PPP1R36: variants seen among roughly 807,000 people sequenced by gnomAD.
PPP1R36 encodes the protein protein phosphatase 1 regulatory subunit 36.
A neutral mutation model predicts 53.4 loss-of-function variants in PPP1R36; 47 were observed. The observed-to-expected ratio is 0.88, with a 90% CI of 0.70 to 1.12. PPP1R36 has a LOEUF of 1.12. Ranked by LOEUF, PPP1R36 falls within the 50% of genes most tolerant of loss-of-function variation. PPP1R36 has a pLI of 0.00. For missense variants in PPP1R36, 456 were observed against 513.9 expected (o/e 0.89, Z 1.09); for synonymous variants, 153 against 170.5 (o/e 0.90, Z 0.80).
At chr14:64,573,092 T>C (rs1026130659) in intron 7 of PPP1R36, among the ~76,000 whole-genome samples, 1 of 152,170 alleles carries the variant, frequency 6.6e-6, no homozygotes, top group African/African-American at 2.4e-5. Flanking sequence ...TTAGAGTAAA[T>C]ATCATTTGGT....
rs535376897 is a variant in PPP1R36 at position 64,561,542 on chromosome 14, C to G, written c.183-3209C>G. Reference sequence around the variant, plus strand: ...GTTCACATCCTAGCTCTGCCCCTGACTAGATGGTTATCAGTTGTCAAGTTA... The same window carrying G: ...GTTCACATCCTAGCTCTGCCCCTGAGTAGATGGTTATCAGTTGTCAAGTTA... On this transcript the variant is annotated intron_variant, in intron 3 of 11. Coordinates refer to ENST00000298705, the MANE Select transcript of PPP1R36 (RefSeq NM_172365.3). Among the ~76,000 whole-genome samples, 39 of 152,302 alleles carry G rather than the reference C, an allele frequency of 2.6e-4. 1 individual carries two copies. Among genetic ancestry groups the G allele is most frequent in the Non-Finnish European group, 8.8e-5 (6 of 68,026 alleles).
intron 3 of PPP1R36, among the ~76,000 whole-genome samples, chr14:64,554,972 G>A (rs1026662870): frequency 2.6e-5 from 4 of 151,960 alleles, no homozygotes; most frequent in African/African-American, 9.7e-5. Flanking sequence ...AAATTAGGGT[G>A]GGAAGTGGAA....
chr14:64,554,003 C>T (rs1163648488), intron 3 of PPP1R36, among the ~76,000 whole-genome samples: 2 of 151,906 alleles, frequency 1.3e-5, no homozygotes, highest in Non-Finnish European at 2.9e-5. Flanking sequence ...CTTATAGTAT[C>T]AGGATTACCT....
Position 64,565,389 on chromosome 14 carries a change from A to C in PPP1R36, c.302A>C (p.Asp101Ala). The C allele has an allele frequency of 1.9e-6, 3 of 1,613,466 alleles. No homozygotes were observed. The highest frequency in any genetic ancestry group is 2.7e-5 in the African/African-American group (2 of 75,022). Residue 101 changes from aspartate to alanine, a missense_variant, in exon 5 of 12, where the codon GAT (aspartate) becomes GCT (alanine). By Grantham distance (126) the Asp-to-Ala change is moderately radical. Coordinates refer to ENST00000298705, the MANE Select transcript of PPP1R36 (RefSeq NM_172365.3). ...GATAAAAGACTTGCTGCAAAAGATG[A>C]TAAGTCAGCTAAAGCTGTAGAGAAA... ...LTDKRLAAKD[D>A]KSAKAVEKRG...
At chr14:64,571,753 A>G (rs1358724502) in intron 7 of PPP1R36, among the ~76,000 whole-genome samples, 1 of 152,236 alleles carries the variant, frequency 6.6e-6, no homozygotes, top group African/African-American at 2.4e-5. Context: ...TATAAAGGAA[A>G]GAGGCTTAAT....
chr14:64,550,473 C>T (rs2080085624), intron 1 of PPP1R36, among the ~76,000 whole-genome samples: 1 of 152,162 alleles, frequency 6.6e-6, no homozygotes. Flanking sequence ...GTGTTGGAGC[C>T]CGGAAGTCTC....
chr14:64,564,089 A>C (rs189339376), intron 3 of PPP1R36, among the ~76,000 whole-genome samples: 21 of 152,322 alleles, frequency 1.4e-4, no homozygotes, highest in Admixed American at 5.2e-4. Flanking sequence ...CAAACTCATT[A>C]CGGCTTAGTA....
rs904089872 is a variant in PPP1R36, at chr14:64,564,900, C to T, written c.269+63C>T. On this transcript the variant is annotated intron_variant, in intron 4 of 11. Transcript: ENST00000298705. ...GCATCTCTCAGTGGAATGGCTTCAG[C>T]CTTTACAAACTACGAAAATACCATT... 5 of 1,072,352 alleles carry T rather than the reference C, an allele frequency of 4.7e-6. No homozygotes were observed. The Admixed American group carries it at 1.1e-4, about 25-fold the overall frequency. The allele number at this position is 1,072,352 out of a possible 1,614,324, so 66.4% of individuals were successfully genotyped here.
intron 3 of PPP1R36, among the ~76,000 whole-genome samples, chr14:64,560,103 C>CAAAAAAAAAAAAAAAA (rs1171697200): frequency 3.6e-5 from 1 of 27,446 alleles, no homozygotes; most frequent in Non-Finnish European, 7.3e-5. Context: ...GAATCTGTCA[C>CAAAAAAAAAAAAAAAA]AAAAAAAAAA....
intron 8 of PPP1R36, among the ~76,000 whole-genome samples, chr14:64,579,488 A>C (rs2140244411): frequency 6.6e-6 from 1 of 152,244 alleles, no homozygotes; most frequent in East Asian, 1.9e-4. Flanking sequence ...CTTGCTATAG[A>C]CTTCATTGTT....
In PPP1R36 at chr14:64,587,373, G is replaced by T. The variant is rs776744003; in HGVS notation, c.890+1G>T. 1.3e-6 allele frequency: 2 copies of T among 1,584,658 alleles called. No homozygotes were observed. Among genetic ancestry groups the T allele is most frequent in the Non-Finnish European group, 1.7e-6 (2 of 1,164,794 alleles). ...AACGCATGACTTTTGTTCAGTTCAG[G>T]TATGACCTTTTGACTTTCCTATGCT... On this transcript the variant is annotated splice_donor_variant, in intron 10 of 11. Transcript: ENST00000298705. LOFTEE classifies it high-confidence loss of function.
rs189184794 is a variant in PPP1R36 at position 64,583,872 on chromosome 14, A to G, written c.669-2965A>G. On this transcript the variant is annotated intron_variant, in intron 8 of 11. Transcript: ENST00000298705. ...CCAGTGTGTATGGCAACTCGAGGGA[A>G]AGTGGAAAGAGGTTCATGTTACCTC... Among the ~76,000 whole-genome samples the G allele has an allele frequency of 4.8e-4, 72 of 150,524 alleles. 2 individuals carry two copies. In the East Asian group the frequency reaches 0.013, roughly 28 times the overall value.
At chr14:64,583,177 C>T (rs35170016) in intron 8 of PPP1R36, among the ~76,000 whole-genome samples, 2,645 of 150,968 alleles carry the variant, frequency 0.018, 36 homozygotes, top group Middle Eastern at 0.034. Context: ...CTTTCCAAAG[C>T]GCTAGAATTA....
At position 64,574,524 on chromosome 14, in the gene PPP1R36, G is replaced by T. The variant is rs769136645; in HGVS notation, c.603G>T (p.Ala201=). Residue 201 remains alanine (A), a synonymous_variant, in exon 8 of 12, where the codon GCG becomes GCT. Transcript: ENST00000298705. The part of the protein sequence containing the change: ...SELEAAQRYL[A]QKYCILVLGL... ...TAGAAGCAGCACAGAGGTACTTGGC[G>T]CAGAAGTACTGTATCCTTGTGCTGG... 41 of 1,613,794 alleles carry T rather than the reference G, an allele frequency of 2.5e-5. No individual in the cohort carries two copies. Among genetic ancestry groups the T allele is most frequent in the Non-Finnish European group, 3.3e-5 (39 of 1,179,836 alleles).
intron 7 of PPP1R36, among the ~76,000 whole-genome samples, chr14:64,569,856 A>G (rs2080289499): frequency 6.6e-6 from 1 of 151,398 alleles, no homozygotes; most frequent in South Asian, 2.1e-4. Context: ...TTCCCACCTC[A>G]GCCTCCTGAG....
chr14:64,556,243 C>T (rs372859404), intron 3 of PPP1R36, among the ~76,000 whole-genome samples: 1 of 150,568 alleles, frequency 6.6e-6, no homozygotes, highest in Non-Finnish European at 1.5e-5. Context: ...GCTGGGACTA[C>T]AGGCAGATGC....
At chr14:64,583,947 C>A (rs1258104840) in intron 8 of PPP1R36, among the ~76,000 whole-genome samples, 1 of 137,906 alleles carries the variant, frequency 7.3e-6, no homozygotes, top group African/African-American at 2.7e-5. Flanking sequence ...GTCGCCCAGG[C>A]TGGAGTGCAG....
chr14:64,554,142 GTTTTTTTT>G (rs367753961), intron 3 of PPP1R36, among the ~76,000 whole-genome samples: 1 of 65,260 alleles, frequency 1.5e-5, no homozygotes, highest in Non-Finnish European at 3.1e-5. Context: ...CATCACAATT[GTTTTTTTT>G]TTTTTTTTTT....
chr14:64,565,178 A>G (rs2080239724), intron 4 of PPP1R36, among the ~76,000 whole-genome samples, 179 bp from the exon 5 acceptor site: 1 of 152,222 alleles, frequency 6.6e-6, no homozygotes, highest in Non-Finnish European at 1.5e-5. Context: ...TCTTGCCTTA[A>G]TATAGTAAAT....
Sources: allele counts gnomAD v4.1 joint callset (sites outside exome capture counted in the v4.1 genomes callset), GRCh38; gene constraint gnomAD v4.1.1; transcripts MANE v1.5; gene names NCBI Gene and HGNC (gene_info 2026-07-23, HGNC 2026-07-21).